The following ASTN2 variants were observed in gnomAD, a reference collection of about 807,000 sequenced individuals.
ASTN2 encodes astrotactin-2.
A neutral mutation model predicts 139.8 loss-of-function variants in ASTN2; 54 were observed. That is an observed-to-expected ratio of 0.39 (90% CI 0.31 to 0.48). ASTN2 has a LOEUF of 0.48. Ranked by LOEUF, ASTN2 falls within the 20% of genes least tolerant of loss-of-function variation. ASTN2 has a pLI of 0.95. For missense variants in ASTN2, 1,565 were observed against 1,725.1 expected, an observed-to-expected ratio of 0.91 and a Z score of 1.64; for synonymous variants, 756 against 719.5, an observed-to-expected ratio of 1.05 and a Z score of -0.81.
intron 10 of ASTN2, among the ~76,000 whole-genome samples, chr9:116,970,533 A>G (rs1836161888): frequency 6.6e-6 from 1 of 152,114 alleles, no homozygotes; most frequent in African/African-American, 2.4e-5. Flanking sequence ...AAAGTATGAC[A>G]TTTTTTGTTT....
In ASTN2 at chr9:116,586,744, A is replaced by C. The variant is rs527607030; in HGVS notation, c.3355+31580T>G. On this transcript the variant is annotated intron_variant, in intron 19 of 22. Transcript: ENST00000313400. ...CATATCCCAAACCTCAGCATCATGT[A>C]GTAGAGCTATGTAATAAACCTGAAC... 2.5e-3 allele frequency among the ~76,000 whole-genome samples: 381 copies of C among 151,500 alleles called. 1 individual carries two copies. Among genetic ancestry groups the C allele is most frequent in the African/African-American group, 8.7e-3 (361 of 41,326 alleles).
At chr9:117,239,221 C>T (rs1833135583) in intron 2 of ASTN2, among the ~76,000 whole-genome samples, 2 of 152,172 alleles carry the variant, frequency 1.3e-5, no homozygotes, top group South Asian at 4.1e-4. Flanking sequence ...GTCCCTGCAA[C>T]AAATGTAAGC....
intron 16 of ASTN2, among the ~76,000 whole-genome samples, chr9:116,708,298 G>A (rs895004328): frequency 6.6e-6 from 1 of 152,086 alleles, no homozygotes; most frequent in African/African-American, 2.4e-5. Context: ...TATCCAATAA[G>A]GCTCCCATAT....
intron 17 of ASTN2, among the ~76,000 whole-genome samples, chr9:116,626,886 C>T (rs1392660475): frequency 6.6e-6 from 1 of 152,158 alleles, no homozygotes; most frequent in Non-Finnish European, 1.5e-5. Flanking sequence ...CTAACCCAGC[C>T]TGGAACTCTG....
intron 1 of ASTN2, among the ~76,000 whole-genome samples, chr9:117,392,900 T>C (rs1212235174): frequency 6.6e-6 from 1 of 152,198 alleles, no homozygotes; most frequent in African/African-American, 2.4e-5. Context: ...CACTCAGGTC[T>C]CTACCAGCTG....
chr9:116,808,307 GTT>G lies in ASTN2; in HGVS notation c.2208-2489_2208-2488del, dbSNP rs1491204990. 8.4e-3 allele frequency among the ~76,000 whole-genome samples: 1,153 copies of G among 137,786 alleles called. 9 individuals carry two copies. Among genetic ancestry groups the G allele is most frequent in the South Asian group, 0.014 (59 of 4,208 alleles). The allele number at this position is 137,786 out of a possible 152,430, so 90.4% of individuals were successfully genotyped here. A position where few individuals can be genotyped will look rare whatever the true frequency, so the allele number is the denominator to read the frequency against. On this transcript the variant is annotated intron_variant, in intron 12 of 22. Transcript: ENST00000313400. ...TGTGTGTGTGTGTGTGTGTGTGTGT[GTT>G]TGTGTTTGTGTATACAGAAACATTT...
intron 10 of ASTN2, among the ~76,000 whole-genome samples, chr9:116,873,745 T>C (rs1833224283): frequency 6.6e-6 from 1 of 152,158 alleles, no homozygotes; most frequent in Non-Finnish European, 1.5e-5. Context: ...GGGGAGGCAG[T>C]GGACTTCCCC....
chr9:116,610,011 A>C (rs947509871), intron 19 of ASTN2, among the ~76,000 whole-genome samples: 1 of 152,270 alleles, frequency 6.6e-6, no homozygotes, highest in Middle Eastern at 3.4e-3. Context: ...CATAAAAACT[A>C]TCCAAAAGAA....
At chr9:117,039,626 T>C (rs1267764534) in intron 6 of ASTN2, among the ~76,000 whole-genome samples, 193 bp downstream of exon 6, 1 of 152,058 alleles carries the variant, frequency 6.6e-6, no homozygotes, top group African/African-American at 2.4e-5. Flanking sequence ...ATAAAAGCAG[T>C]CTTTAATTTA....
At chr9:117,332,249 A>G (rs867913298) in intron 1 of ASTN2, among the ~76,000 whole-genome samples, 2 of 152,324 alleles carry the variant, frequency 1.3e-5, no homozygotes, top group South Asian at 4.1e-4. Context: ...CACCCTTTAT[A>G]GCATAACTTT....
intron 10 of ASTN2, among the ~76,000 whole-genome samples, chr9:116,957,197 GTCTC>G (rs761689117): frequency 6.6e-6 from 1 of 151,776 alleles, no homozygotes; most frequent in African/African-American, 2.4e-5. Context: ...CTTTTTCTCA[GTCTC>G]TCTTTCTCTC....
intron 11 of ASTN2, among the ~76,000 whole-genome samples, chr9:116,825,434 A>G (rs1831599659): frequency 1.3e-5 from 2 of 152,364 alleles, no homozygotes; most frequent in South Asian, 4.1e-4. Flanking sequence ...ACCCCAAAAG[A>G]AAAACTAGCC....
At chr9:116,488,508 G>C (rs1849410522) in intron 19 of ASTN2, among the ~76,000 whole-genome samples, 1 of 152,136 alleles carries the variant, frequency 6.6e-6, no homozygotes, top group Non-Finnish European at 1.5e-5. Flanking sequence ...ATTTATACTA[G>C]CAAGAATGTA....
At position 117,310,210 on chromosome 9, in the gene ASTN2, A is replaced by C. The variant is rs549840444; in HGVS notation, c.443-18697T>G. On this transcript the variant is annotated intron_variant, in intron 1 of 22. Coordinates refer to ENST00000313400, the MANE Select transcript of ASTN2 (RefSeq NM_001365068.1). ...TTTCTCAGTCAAACACCTTTCCCTC[A>C]CTTGTCCTCAGTTAACTTACCTGTA... 5.3e-5 allele frequency among the ~76,000 whole-genome samples: 8 copies of C among 152,190 alleles called. No homozygotes were observed. In the East Asian group the frequency reaches 1.6e-3, roughly 30 times the overall value.
chr9:117,175,332 T>C (rs1167849409), intron 3 of ASTN2, among the ~76,000 whole-genome samples: 1 of 152,132 alleles, frequency 6.6e-6, no homozygotes, highest in Non-Finnish European at 1.5e-5. Flanking sequence ...AGAAATATAT[T>C]ATTTCATGGA....
Position 116,464,583 on chromosome 9 carries a change from A to G in ASTN2, c.3498-22030T>C, listed in dbSNP as rs1024112452. Reference sequence around the variant, plus strand: ...ATTCATGTATGGATGTTTGTGCTGAAGCATATCCCTGAGTATTGAGTATTC... The same window carrying G: ...ATTCATGTATGGATGTTTGTGCTGAGGCATATCCCTGAGTATTGAGTATTC... On this transcript the variant is annotated intron_variant, in intron 20 of 22. Coordinates refer to ENST00000313400, the MANE Select transcript of ASTN2 (RefSeq NM_001365068.1). 2.0e-5 allele frequency among the ~76,000 whole-genome samples: 3 copies of G among 152,148 alleles called. No individual in the cohort carries two copies. The South Asian group carries it at 6.2e-4, about 32-fold the overall frequency.
At chr9:117,081,129 T>A (rs1312407481) in intron 5 of ASTN2, among the ~76,000 whole-genome samples, 1 of 152,182 alleles carries the variant, frequency 6.6e-6, no homozygotes, top group African/African-American at 2.4e-5. Context: ...CAGAATGGGT[T>A]TGACTGAGTG....
At chr9:116,454,097 G>T (rs930725149) in intron 20 of ASTN2, among the ~76,000 whole-genome samples, 2 of 152,186 alleles carry the variant, frequency 1.3e-5, no homozygotes, top group Non-Finnish European at 2.9e-5. Context: ...CCAATCTTCT[G>T]CAAGCTCTTC....
intron 1 of ASTN2, among the ~76,000 whole-genome samples, chr9:117,409,242 C>G (rs1286913615): frequency 6.6e-6 from 1 of 152,168 alleles, no homozygotes; most frequent in Non-Finnish European, 1.5e-5. Flanking sequence ...TCAGAAACCC[C>G]TAGAGAAGAC....
Sources: gnomAD v4.1 joint callset for allele counts (sites outside exome capture counted in the v4.1 genomes callset) on GRCh38, gnomAD v4.1.1 for gene constraint, MANE v1.5 for transcripts, NCBI Gene and HGNC (gene_info 2026-07-23, HGNC 2026-07-21) for gene names.